Variants in FAM135B observed in about 807,000 individuals in gnomAD.
The protein encoded by FAM135B is protein FAM135B.
Under a neutral mutation model 127.7 loss-of-function variants are expected in FAM135B, and 43 were observed. That is an observed-to-expected ratio of 0.34 (90% confidence interval 0.26 to 0.43). The LOEUF (loss-of-function observed/expected upper bound fraction) is 0.43, where lower values mean the gene tolerates loss of function less well. Ranked by LOEUF, FAM135B falls within the 20% of genes least tolerant of loss-of-function variation. The pLI is 1.00. For synonymous variants in FAM135B, 670 were observed against 665.1 expected, an observed-to-expected ratio of 1.01 and a Z score of -0.11; for missense variants, 1,558 against 1,725.6, an observed-to-expected ratio of 0.90 and a Z score of 1.72.
chr8:138,400,602 A>G (rs2131362512), intron 1 of FAM135B, among the ~76,000 whole-genome samples: 1 of 152,258 alleles, frequency 6.6e-6, no homozygotes, highest in Middle Eastern at 3.4e-3. Flanking sequence ...CAAGTGTGGA[A>G]GGAGCTGCCT....
chr8:138,391,322 C>T (rs2131327467), intron 1 of FAM135B, among the ~76,000 whole-genome samples: 1 of 152,152 alleles, frequency 6.6e-6, no homozygotes, highest in South Asian at 2.1e-4. Flanking sequence ...TACAGAGCCC[C>T]CAGGACTGGC....
chr8:138,462,169 T>C (rs796262210), intron 1 of FAM135B, among the ~76,000 whole-genome samples: 7 of 152,308 alleles, frequency 4.6e-5, no homozygotes, highest in African/African-American at 1.7e-4. Flanking sequence ...ATGTTATACA[T>C]TAAAAGTATT....
At chr8:138,457,974 C>CA (rs530760937) in intron 1 of FAM135B, among the ~76,000 whole-genome samples, 7,177 of 76,744 alleles carry the variant, frequency 0.094, 640 homozygotes, top group African/African-American at 0.24. Context: ...GACTCCATCT[C>CA]AAAAAAAAAA....
rs2130747988 is a variant in FAM135B, at chr8:138,151,909, C to G, written c.2566G>C (p.Asp856His). Residue 856 changes from aspartate to histidine, a missense_variant, in exon 13 of 20, where the codon GAT (aspartate) becomes CAT (histidine). By Grantham distance (81) the Asp-to-His change is moderately conservative. Around this residue, in one of 5 missense-constraint regions of FAM135B, gnomAD observed 923 missense variants for 865.3 expected, o/e 1.07. Transcript: ENST00000395297. ...TCAGGAAGACAGTGTCCTTGAGCAT[C>G]AAACTGCTTCCCTTTCCCTTTGGGG... The part of the protein sequence containing the change: ...DIPKGKGKQF[D>H]AQGHCLPDGR... 1 of 1,614,160 alleles carries G rather than the reference C, an allele frequency of 6.2e-7. No homozygotes were observed. The highest frequency in any genetic ancestry group is 8.5e-7 in the Non-Finnish European group (1 of 1,180,040).
At chr8:138,316,075 T>G (rs1827063499) in intron 2 of FAM135B, among the ~76,000 whole-genome samples, 1 of 152,212 alleles carries the variant, frequency 6.6e-6, no homozygotes, top group Admixed American at 6.5e-5. Context: ...AGACAGTAGA[T>G]GTGCTACTCT....
rs73423937 is a variant in FAM135B, at chr8:138,181,993, G to A, written c.874-3303C>T. Among the ~76,000 whole-genome samples the A allele has an allele frequency of 9.7e-3, 1,472 of 152,168 alleles. 22 individuals are homozygous for A. The highest frequency in any genetic ancestry group is 0.034 in the African/African-American group (1,410 of 41,510). ...TCAGTGACTCTTTACAAAATGAATA[G>A]GTGGCTCGGTGTCCGTGGGAGGTGT... is the stretch of plus-strand genomic sequence containing the variant. On this transcript the variant is annotated intron_variant, in intron 9 of 19. Coordinates refer to ENST00000395297, the MANE Select transcript of FAM135B (RefSeq NM_015912.4).
chr8:138,163,349 G>T (rs576740100), intron 12 of FAM135B, among the ~76,000 whole-genome samples: 1 of 152,160 alleles, frequency 6.6e-6, no homozygotes, highest in Non-Finnish European at 1.5e-5. Context: ...GGTGTTGGGG[G>T]AGCAGAGACA....
intron 2 of FAM135B, among the ~76,000 whole-genome samples, chr8:138,322,914 C>G (rs1047026468): frequency 2.6e-5 from 4 of 152,280 alleles, no homozygotes; most frequent in African/African-American, 9.6e-5. Context: ...TAAAAGAGGC[C>G]TTGGTGTTCC....
intron 6 of FAM135B, 134 bp downstream of exon 6, chr8:138,250,707 C>T: frequency 1.0e-6 from 1 of 986,866 alleles, no homozygotes; most frequent in South Asian, 1.6e-5. Flanking sequence ...TCAGTGAGGC[C>T]CAAAGCTTAA....
intron 11 of FAM135B, among the ~76,000 whole-genome samples, chr8:138,176,193 G>T (rs1480533218): frequency 6.6e-6 from 1 of 152,246 alleles, no homozygotes; most frequent in Non-Finnish European, 1.5e-5. Flanking sequence ...TCTTCCAGGA[G>T]AGCAGTTGTC....
At chr8:138,472,732 G>A (rs932058302) in intron 1 of FAM135B, among the ~76,000 whole-genome samples, 2 of 152,170 alleles carry the variant, frequency 1.3e-5, no homozygotes, top group East Asian at 1.9e-4. Context: ...ATTCCACAAC[G>A]TGCATATTGT....
At chr8:138,231,832 A>G (rs1258147635) in intron 7 of FAM135B, among the ~76,000 whole-genome samples, 1 of 152,222 alleles carries the variant, frequency 6.6e-6, no homozygotes, top group Non-Finnish European at 1.5e-5. Flanking sequence ...AATGCTCACT[A>G]CATTTACCTA....
intron 2 of FAM135B, among the ~76,000 whole-genome samples, chr8:138,341,021 G>A (rs926574061): frequency 6.6e-5 from 10 of 152,290 alleles, no homozygotes; most frequent in African/African-American, 2.4e-4. Flanking sequence ...GCACCTAGGA[G>A]AGAAACTGAA....
chr8:138,439,396 T>G (rs1021527264), intron 1 of FAM135B: 20 of 152,120 alleles, frequency 1.3e-4, no homozygotes, highest in African/African-American at 4.6e-4. Context: ...CAAATCCCAT[T>G]CTCATTCCAC....
intron 1 of FAM135B, among the ~76,000 whole-genome samples, chr8:138,426,125 T>TGA (rs1269900915): frequency 1.6e-5 from 2 of 121,948 alleles, no homozygotes; most frequent in African/African-American, 7.1e-5. Flanking sequence ...CATATGTGTG[T>TGA]GTGTGTGTGT....
intron 4 of FAM135B, among the ~76,000 whole-genome samples, chr8:138,264,918 G>A (rs73439021): frequency 0.012 from 1,841 of 152,232 alleles, 40 homozygotes; most frequent in East Asian, 0.09. Context: ...TATAATTCTC[G>A]ATATATTCTA....
chr8:138,167,863 T>A, intron 12 of FAM135B, 32 bp downstream of exon 12: 1 of 1,585,186 alleles, frequency 6.3e-7, no homozygotes, highest in Non-Finnish European at 8.6e-7. Flanking sequence ...AAAGCCTTAT[T>A]CCTGAGTCTT....
At chr8:138,311,889 A>C (rs1449784159) in intron 2 of FAM135B, among the ~76,000 whole-genome samples, 1 of 152,180 alleles carries the variant, frequency 6.6e-6, no homozygotes, top group Non-Finnish European at 1.5e-5. Context: ...ACACATTTCC[A>C]GCTGTGTGAC....
Position 138,159,321 on chromosome 8 carries a change from A to T in FAM135B, c.1259-6105T>A, listed in dbSNP as rs557649830. On this transcript the variant is annotated intron_variant, in intron 12 of 19. Coordinates refer to ENST00000395297, the MANE Select transcript of FAM135B (RefSeq NM_015912.4). ...CATGCACACATATGTTTATTGCGGC[A>T]CTATTCGCAATAGGAAAGACTTGGA... Among the ~76,000 whole-genome samples the T allele has an allele frequency of 2.0e-5, 3 of 147,758 alleles. No homozygotes were observed. The South Asian group carries it at 6.7e-4, about 33-fold the overall frequency.
Sources: gnomAD v4.1 joint callset for allele counts (sites outside exome capture counted in the v4.1 genomes callset) on GRCh38, gnomAD v4.1.1 for gene constraint, gnomAD v4.1.1 regional missense constraint, MANE v1.5 for transcripts, NCBI Gene and HGNC (gene_info 2026-07-23, HGNC 2026-07-21) for gene names.